Variants in PIGL observed in about 807,000 individuals in gnomAD.
PIGL encodes the protein N-acetylglucosaminyl-phosphatidylinositol de-N-acetylase.
PIGL carries 22 observed loss-of-function variants against 31.1 expected under a neutral mutation model. That is an observed-to-expected ratio of 0.71 (90% CI 0.51 to 1.01). The LOEUF is 1.01. Among genes scored for constraint, PIGL ranks in the 50% least tolerant of loss-of-function variants. PIGL has a pLI of 0.00. For synonymous variants in PIGL, 131 were observed against 117.4 expected (o/e 1.12, Z -0.75); for missense variants, 302 against 315.9 (o/e 0.96, Z 0.33).
intron 1 of PIGL, among the ~76,000 whole-genome samples, chr17:16,232,229 G>A (rs1015395055): frequency 1.3e-5 from 2 of 152,044 alleles, no homozygotes; most frequent in African/African-American, 4.8e-5. Flanking sequence ...AGTGAACTGA[G>A]ATCACACCAC....
At chr17:16,217,806 C>G (rs954180845) in intron 1 of PIGL, 2 of 248,894 alleles carry the variant, frequency 8.0e-6, no homozygotes, top group East Asian at 1.9e-4. Flanking sequence ...ATTGACCTTA[C>G]TATATAGCAC....
At chr17:16,238,727 G>A (rs1282240861) in intron 2 of PIGL, among the ~76,000 whole-genome samples, 2 of 150,490 alleles carry the variant, frequency 1.3e-5, no homozygotes, top group Non-Finnish European at 3.0e-5. Flanking sequence ...TGACCAAAAT[G>A]GTGAAACCCC....
At chr17:16,245,144 C>A (rs542208418) in intron 2 of PIGL, among the ~76,000 whole-genome samples, 54 of 152,244 alleles carry the variant, frequency 3.5e-4, no homozygotes, top group African/African-American at 1.3e-3. Context: ...AGGTGCCCAC[C>A]ACCACGCCCA....
intron 1 of PIGL, among the ~76,000 whole-genome samples, chr17:16,230,165 C>T (rs1419537311): frequency 6.6e-6 from 1 of 152,014 alleles, no homozygotes; most frequent in Non-Finnish European, 1.5e-5. Flanking sequence ...CTGGCCAAGT[C>T]ATGATTTCTT....
chr17:16,321,412 G>A (rs917082781), intron 6 of PIGL, among the ~76,000 whole-genome samples: 4 of 151,842 alleles, frequency 2.6e-5, no homozygotes, highest in Admixed American at 2.6e-4. Flanking sequence ...AGCTAATTTT[G>A]TATTTTTAGT....
intron 2 of PIGL, among the ~76,000 whole-genome samples, chr17:16,269,546 G>A (rs144608562): frequency 0.049 from 7,406 of 151,596 alleles, 622 homozygotes; most frequent in African/African-American, 0.17. Flanking sequence ...AGCTACTCGG[G>A]AGGCTGAGGT....
chr17:16,303,747 C>T (rs532125413), intron 3 of PIGL, among the ~76,000 whole-genome samples: 2 of 150,294 alleles, frequency 1.3e-5, no homozygotes, highest in Non-Finnish European at 2.9e-5. Flanking sequence ...CAGAGTCTTG[C>T]TCTGTCGCCC....
chr17:16,218,673 TACTC>T (rs2092610530), intron 1 of PIGL, among the ~76,000 whole-genome samples: 1 of 145,168 alleles, frequency 6.9e-6, no homozygotes, highest in Non-Finnish European at 1.5e-5. Context: ...AATGCCAACT[TACTC>T]TTTTTTTTTT....
At chr17:16,230,593 C>G (rs1471713597) in intron 1 of PIGL, among the ~76,000 whole-genome samples, 1 of 151,594 alleles carries the variant, frequency 6.6e-6, no homozygotes, top group Admixed American at 6.6e-5. Context: ...ACTTCTCAGT[C>G]GTAACTAGCA....
intron 2 of PIGL, among the ~76,000 whole-genome samples, chr17:16,293,818 C>A (rs532859289): frequency 3.9e-5 from 6 of 152,220 alleles, no homozygotes; most frequent in Non-Finnish European, 8.8e-5. Context: ...TAAAGAGACA[C>A]ACAAAACAAC....
intron 1 of PIGL, among the ~76,000 whole-genome samples, chr17:16,224,348 A>C (rs1408179574): frequency 6.6e-6 from 1 of 151,906 alleles, no homozygotes; most frequent in Non-Finnish European, 1.5e-5. Context: ...TTATGGGGGA[A>C]GACAGAGCCT....
chr17:16,285,220 G>A (rs2092932314), intron 2 of PIGL, among the ~76,000 whole-genome samples: 1 of 152,206 alleles, frequency 6.6e-6, no homozygotes, highest in Non-Finnish European at 1.5e-5. Context: ...CTGGGAAGGA[G>A]AACACAGGTA....
At chr17:16,287,746 T>G (rs999452297) in intron 2 of PIGL, among the ~76,000 whole-genome samples, 9 of 152,212 alleles carry the variant, frequency 5.9e-5, no homozygotes, top group Non-Finnish European at 1.2e-4. Flanking sequence ...TTGCTCTTAC[T>G]CTGAACATGC....
At chr17:16,263,381 T>C (rs1368140783) in intron 2 of PIGL, among the ~76,000 whole-genome samples, 1 of 152,092 alleles carries the variant, frequency 6.6e-6, no homozygotes, top group African/African-American at 2.4e-5. Context: ...GGTCTCACTA[T>C]GTTGTCCAGT....
chr17:16,269,911 A>G (rs1448077763), intron 2 of PIGL, among the ~76,000 whole-genome samples: 1 of 152,144 alleles, frequency 6.6e-6, no homozygotes, highest in Non-Finnish European at 1.5e-5. Flanking sequence ...GATTGTCTTC[A>G]TAATCTTACA....
intron 2 of PIGL, among the ~76,000 whole-genome samples, chr17:16,264,644 T>TATC (rs1230047854): frequency 2.0e-4 from 29 of 142,780 alleles, no homozygotes; most frequent in African/African-American, 7.8e-4. Context: ...TTATTATTAT[T>TATC]ATTATTTTGA....
intron 1 of PIGL, among the ~76,000 whole-genome samples, chr17:16,225,340 G>A (rs1386628532): frequency 6.8e-6 from 1 of 147,064 alleles, no homozygotes; most frequent in South Asian, 2.1e-4. Context: ...GGGTGACTCG[G>A]TTCCATGTGT....
chr17:16,234,255 G>A (rs2142679022), intron 2 of PIGL, 185 bp downstream of exon 2: 1 of 471,472 alleles, frequency 2.1e-6, no homozygotes, highest in African/African-American at 2.0e-5. Flanking sequence ...GGTCTCAGGA[G>A]TTTGAGACCA....
chr17:16,279,428 T>C (rs1009341367), intron 2 of PIGL, among the ~76,000 whole-genome samples: 34 of 152,350 alleles, frequency 2.2e-4, no homozygotes, highest in African/African-American at 8.2e-4. Context: ...TCTAAATGAA[T>C]GCATATAATA....
Sources: allele counts gnomAD v4.1 joint callset (sites outside exome capture counted in the v4.1 genomes callset), GRCh38; gene constraint gnomAD v4.1.1; transcripts MANE v1.5; gene names NCBI Gene and HGNC (gene_info 2026-07-23, HGNC 2026-07-21).